The following LRP1B variants were observed in gnomAD, a reference collection of about 807,000 sequenced individuals.
LRP1B encodes low-density lipoprotein receptor-related protein 1B.
LRP1B carries 217 observed loss-of-function variants against 556.6 expected under a neutral mutation model. The ratio of observed to expected loss-of-function variants is 0.39; its 90% CI spans 0.35 to 0.44. The LOEUF (loss-of-function observed/expected upper bound fraction) is 0.44. Among genes scored for constraint, LRP1B ranks in the 20% least tolerant of loss-of-function variants. LRP1B has a pLI of 1.00. For missense variants in LRP1B, 5,053 were observed against 5,620.8 expected (o/e 0.90, Z 3.23); for synonymous variants, 2,047 against 1,865.8 (o/e 1.10, Z -2.50).
intron 18 of LRP1B, among the ~76,000 whole-genome samples, chr2:140,961,618 C>G (rs1365086037): frequency 6.6e-6 from 1 of 151,926 alleles, no homozygotes; most frequent in Non-Finnish European, 1.5e-5. Context: ...TTTTTTGGTA[C>G]TCCACACAAT....
chr2:140,726,345 T>C (rs1474911661), intron 35 of LRP1B, among the ~76,000 whole-genome samples: 1 of 152,166 alleles, frequency 6.6e-6, no homozygotes, highest in African/African-American at 2.4e-5. Flanking sequence ...TAAATAAAAG[T>C]TAAATCTCAT....
chr2:141,739,308 A>G (rs1029927527), intron 2 of LRP1B, among the ~76,000 whole-genome samples: 3 of 152,162 alleles, frequency 2.0e-5, no homozygotes, highest in Non-Finnish European at 4.4e-5. Flanking sequence ...TTCATTAAAC[A>G]AAACCTCAAG....
intron 3 of LRP1B, among the ~76,000 whole-genome samples, chr2:141,354,011 G>A (rs1271002260): frequency 6.6e-6 from 1 of 151,900 alleles, no homozygotes; most frequent in Non-Finnish European, 1.5e-5. Flanking sequence ...AGAAGTATTG[G>A]TAATTGAAGG....
At chr2:140,735,132 G>A (rs944660542) in intron 35 of LRP1B, among the ~76,000 whole-genome samples, 8 of 152,306 alleles carry the variant, frequency 5.3e-5, no homozygotes, top group East Asian at 1.9e-4. Context: ...AAGAGGACAC[G>A]GTTCTGAGTA....
chr2:141,490,400 T>TGTGTGTGTG (rs66605553), intron 2 of LRP1B, among the ~76,000 whole-genome samples: 1 of 150,888 alleles, frequency 6.6e-6, no homozygotes, highest in Admixed American at 6.6e-5. Context: ...TGTGTGTGTG[T>TGTGTGTGTG]TTTCTGCTAA....
At chr2:140,386,312 G>A (rs543113762) in intron 66 of LRP1B, among the ~76,000 whole-genome samples, 3 of 152,158 alleles carry the variant, frequency 2.0e-5, no homozygotes, top group Non-Finnish European at 2.9e-5. Flanking sequence ...GGTGGCTCAC[G>A]CCTGTAATCC....
At chr2:141,293,825 T>C (rs1263399792) in intron 3 of LRP1B, among the ~76,000 whole-genome samples, 2 of 152,138 alleles carry the variant, frequency 1.3e-5, no homozygotes, top group East Asian at 3.8e-4. Flanking sequence ...ATGGAACATG[T>C]GTATTTCTTA....
chr2:142,125,579 CA>C lies in LRP1B; in HGVS notation c.82+5068del, dbSNP rs541361828. On this transcript the variant is annotated intron_variant, in intron 1 of 90. Coordinates refer to ENST00000389484, the MANE Select transcript of LRP1B (RefSeq NM_018557.3). Reference sequence around the variant, plus strand: ...TTACTGTTTAAATAATATTTTATCCCAAAAAACTAATAAGTTTTAAAAATCT... The same window carrying C: ...TTACTGTTTAAATAATATTTTATCCCAAAAACTAATAAGTTTTAAAAATCT... Among the ~76,000 whole-genome samples the C allele has an allele frequency of 3.3e-3, 498 of 151,556 alleles. 2 individuals are homozygous for C. The highest frequency in any genetic ancestry group is 0.016 in the South Asian group (75 of 4,794).
At chr2:141,934,318 G>A (rs1700578900) in intron 1 of LRP1B, among the ~76,000 whole-genome samples, 1 of 151,770 alleles carries the variant, frequency 6.6e-6, no homozygotes. Flanking sequence ...ATGACAGAAG[G>A]TAAAGAAACA....
intron 2 of LRP1B, among the ~76,000 whole-genome samples, chr2:141,488,800 A>G (rs966434963): frequency 8.6e-5 from 13 of 152,036 alleles, no homozygotes; most frequent in African/African-American, 2.9e-4. Context: ...TCCTTATTAA[A>G]TTGAAGATCC....
chr2:141,334,483 T>G (rs1687773426), intron 3 of LRP1B, among the ~76,000 whole-genome samples: 1 of 152,236 alleles, frequency 6.6e-6, no homozygotes, highest in Admixed American at 6.5e-5. Flanking sequence ...TGAACCTCTT[T>G]TCTTTATAAA....
intron 3 of LRP1B, among the ~76,000 whole-genome samples, chr2:141,366,635 A>C (rs1307228494): frequency 6.6e-6 from 1 of 152,174 alleles, no homozygotes; most frequent in Admixed American, 6.5e-5. Flanking sequence ...TTATTTCAAA[A>C]TCGGCCATAT....
chr2:142,010,444 C>T (rs983873474), intron 1 of LRP1B, among the ~76,000 whole-genome samples: 6 of 149,330 alleles, frequency 4.0e-5, no homozygotes, highest in African/African-American at 1.5e-4. Context: ...GTCTCAGCTA[C>T]TCGGAGAGGC....
At chr2:141,986,550 A>G (rs1702191759) in intron 1 of LRP1B, among the ~76,000 whole-genome samples, 1 of 151,972 alleles carries the variant, frequency 6.6e-6, no homozygotes, top group South Asian at 2.1e-4. Flanking sequence ...TACATAAAAT[A>G]TCATAGATTT....
At chr2:140,662,382 T>C (rs1685127901) in intron 41 of LRP1B, among the ~76,000 whole-genome samples, 1 of 152,116 alleles carries the variant, frequency 6.6e-6, no homozygotes, top group South Asian at 2.1e-4. Flanking sequence ...AATACATAGC[T>C]GGTATTAACA....
chr2:140,315,759 C>T (rs1193558586), intron 82 of LRP1B, among the ~76,000 whole-genome samples: 2 of 152,118 alleles, frequency 1.3e-5, no homozygotes, highest in African/African-American at 4.8e-5. Flanking sequence ...TATGCACACA[C>T]ATACACACAC....
At chr2:141,095,491 AT>A (rs35611430) in intron 7 of LRP1B, among the ~76,000 whole-genome samples, 120,517 of 147,964 alleles carry the variant, frequency 0.81, 49,472 homozygotes, top group East Asian at 0.87. Context: ...CTAGAATTTA[AT>A]TTTTTTTTTT....
chr2:140,464,137 A>G (rs1396739316), intron 60 of LRP1B, among the ~76,000 whole-genome samples: 1 of 152,084 alleles, frequency 6.6e-6, no homozygotes, highest in South Asian at 2.1e-4. Flanking sequence ...CAGAGGTTGC[A>G]GTGAGGCAAG....
At position 141,236,912 on chromosome 2, in the gene LRP1B, A is replaced by G. The variant is rs375339947; in HGVS notation, c.593-7472T>C. 1.8e-4 allele frequency among the ~76,000 whole-genome samples: 27 copies of G among 152,308 alleles called. No homozygotes were observed. The South Asian group carries it at 2.9e-3, about 16-fold the overall frequency. On this transcript the variant is annotated intron_variant, in intron 5 of 90. Transcript: ENST00000389484. ...AACCTCTTCTATGGTCCTCCAAACT[A>G]GATTCTACATGTCACATAGAGAATG... is the stretch of plus-strand genomic sequence containing the variant.
Sources: allele counts gnomAD v4.1 joint callset (sites outside exome capture counted in the v4.1 genomes callset), GRCh38; gene constraint gnomAD v4.1.1; transcripts MANE v1.5; gene names NCBI Gene and HGNC (gene_info 2026-07-23, HGNC 2026-07-21).